Variants in SAMD4A observed in about 807,000 individuals in gnomAD.
SAMD4A encodes sterile alpha motif domain containing 4A.
SAMD4A carries 33 observed loss-of-function variants against 81.3 expected under a neutral mutation model. The observed-to-expected ratio is 0.41, with a 90% CI of 0.31 to 0.54. The LOEUF (loss-of-function observed/expected upper bound fraction) is 0.54, where lower values mean the gene tolerates loss of function less well. Ranked by LOEUF, SAMD4A falls within the 20% of genes least tolerant of loss-of-function variation. The pLI is 0.37. For missense variants in SAMD4A, 854 were observed against 951.1 expected, an observed-to-expected ratio of 0.90 and a Z score of 1.34; for synonymous variants, 389 against 382.1, an observed-to-expected ratio of 1.02 and a Z score of -0.21.
At chr14:54,723,754 G>A (rs2037322381) in intron 3 of SAMD4A, among the ~76,000 whole-genome samples, 1 of 152,160 alleles carries the variant, frequency 6.6e-6, no homozygotes, top group African/African-American at 2.4e-5. Context: ...TGTTTTTTAT[G>A]AATGCTCTTT....
chr14:54,642,628 T>C (rs189822950), intron 2 of SAMD4A, among the ~76,000 whole-genome samples: 1 of 152,212 alleles, frequency 6.6e-6, no homozygotes, highest in Non-Finnish European at 1.5e-5. Flanking sequence ...GTACCAGCTA[T>C]GTGCCTGGTA....
chr14:54,621,986 A>G (rs1458314647), intron 2 of SAMD4A, among the ~76,000 whole-genome samples: 1 of 152,162 alleles, frequency 6.6e-6, no homozygotes, highest in Non-Finnish European at 1.5e-5. Flanking sequence ...TAGGACTAGA[A>G]TAATAAACAT....
At chr14:54,574,462 C>T (rs961652426) in intron 2 of SAMD4A, among the ~76,000 whole-genome samples, 1 of 152,142 alleles carries the variant, frequency 6.6e-6, no homozygotes, top group Non-Finnish European at 1.5e-5. Context: ...GAACTCTGTG[C>T]ATGTGCCATG....
At chr14:54,696,368 A>C (rs541582811) in intron 2 of SAMD4A, among the ~76,000 whole-genome samples, 2 of 152,188 alleles carry the variant, frequency 1.3e-5, no homozygotes, top group African/African-American at 4.8e-5. Flanking sequence ...TCTAGGATTG[A>C]CTTTGTAACA....
At chr14:54,715,536 G>A (rs1211293230) in intron 3 of SAMD4A, among the ~76,000 whole-genome samples, 2 of 152,088 alleles carry the variant, frequency 1.3e-5, no homozygotes, top group African/African-American at 4.8e-5. Flanking sequence ...TTTTAAAAAA[G>A]AATGTGAAAA....
intron 2 of SAMD4A, among the ~76,000 whole-genome samples, chr14:54,700,023 C>T (rs1469947963): frequency 6.6e-6 from 1 of 152,194 alleles, no homozygotes; most frequent in African/African-American, 2.4e-5. Context: ...TTTCTTTTCA[C>T]CTTTTGACTT....
intron 3 of SAMD4A, among the ~76,000 whole-genome samples, chr14:54,721,382 G>T (rs1185384649): frequency 6.6e-6 from 1 of 152,158 alleles, no homozygotes; most frequent in Admixed American, 6.5e-5. Flanking sequence ...AATTTTGAGG[G>T]TTAGATAATG....
At chr14:54,786,813 T>C (rs1439316066) in intron 12 of SAMD4A, among the ~76,000 whole-genome samples, 6 of 152,264 alleles carry the variant, frequency 3.9e-5, no homozygotes, top group Non-Finnish European at 7.3e-5. Flanking sequence ...TTTTTCAGTC[T>C]GTTCTGTTTT....
intron 2 of SAMD4A, among the ~76,000 whole-genome samples, chr14:54,658,733 A>G (rs2035577061): frequency 6.6e-6 from 1 of 152,226 alleles, no homozygotes; most frequent in Non-Finnish European, 1.5e-5. Flanking sequence ...CTGAGTCTCC[A>G]AATGAGGGTC....
intron 2 of SAMD4A, among the ~76,000 whole-genome samples, chr14:54,619,816 G>A (rs1428639388): frequency 1.3e-5 from 2 of 152,148 alleles, no homozygotes; most frequent in South Asian, 2.1e-4. Flanking sequence ...CGAAGGACAT[G>A]ATCTTGTTCT....
intron 2 of SAMD4A, among the ~76,000 whole-genome samples, chr14:54,655,128 C>G (rs2035490291): frequency 6.6e-6 from 1 of 152,204 alleles, no homozygotes; most frequent in South Asian, 2.1e-4. Context: ...CTTACACGTC[C>G]AAGCTCACAG....
intron 2 of SAMD4A, among the ~76,000 whole-genome samples, chr14:54,596,879 G>T (rs1455979311): frequency 6.6e-6 from 1 of 152,162 alleles, no homozygotes; most frequent in Non-Finnish European, 1.5e-5. Context: ...AGAATATCCA[G>T]CCGGGAGAGA....
At chr14:54,771,058 T>C (rs974259668) in intron 9 of SAMD4A, among the ~76,000 whole-genome samples, 1 of 152,224 alleles carries the variant, frequency 6.6e-6, no homozygotes, top group Non-Finnish European at 1.5e-5. Flanking sequence ...ATAGAAGCTC[T>C]CTGCCCGTGG....
At chr14:54,756,157 A>G (rs368823452) in intron 6 of SAMD4A, among the ~76,000 whole-genome samples, 1 of 152,200 alleles carries the variant, frequency 6.6e-6, no homozygotes. Context: ...AGTAAGGTGC[A>G]TTGTATACTT....
Position 54,614,733 on chromosome 14 carries a change from T to C in SAMD4A, c.196+46621T>C, listed in dbSNP as rs187366314. ...AATGCAAAGCCTTACAACAAAAATT[T>C]CATTGATTCTCAGTTATTTATAAAA... On this transcript the variant is annotated intron_variant, in intron 2 of 12. Transcript: ENST00000554335. Among the ~76,000 whole-genome samples, 331 of 152,318 alleles carry C rather than the reference T, an allele frequency of 2.2e-3. 3 individuals carry two copies. Among genetic ancestry groups the C allele is most frequent in the African/African-American group, 7.6e-3 (317 of 41,560 alleles).
At chr14:54,580,158 G>T (rs1005481164) in intron 2 of SAMD4A, among the ~76,000 whole-genome samples, 1 of 152,194 alleles carries the variant, frequency 6.6e-6, no homozygotes, top group African/African-American at 2.4e-5. Context: ...GGAAGAGCTG[G>T]TGTTAGATCC....
At chr14:54,643,811 G>A (rs895284041) in intron 2 of SAMD4A, among the ~76,000 whole-genome samples, 2 of 152,186 alleles carry the variant, frequency 1.3e-5, no homozygotes, top group Non-Finnish European at 2.9e-5. Context: ...GTGGAAGACT[G>A]CCTCCAGATT....
intron 2 of SAMD4A, among the ~76,000 whole-genome samples, chr14:54,670,018 T>C (rs1479095254): frequency 1.3e-5 from 2 of 152,246 alleles, no homozygotes; most frequent in Non-Finnish European, 2.9e-5. Flanking sequence ...GAAATGTTTT[T>C]GTGGCCACGT....
intron 3 of SAMD4A, among the ~76,000 whole-genome samples, chr14:54,718,263 A>G (rs1404984731): frequency 6.6e-6 from 1 of 152,224 alleles, no homozygotes; most frequent in African/African-American, 2.4e-5. Flanking sequence ...AGAAAGGTCA[A>G]CACAAGGAAT....
Sources: allele counts gnomAD v4.1 joint callset (sites outside exome capture counted in the v4.1 genomes callset), GRCh38; gene constraint gnomAD v4.1.1; transcripts MANE v1.5; gene names NCBI Gene and HGNC (gene_info 2026-07-23, HGNC 2026-07-21).